Variants in SLC26A11 observed in about 807,000 individuals in gnomAD.
The protein encoded by SLC26A11 is sodium-independent sulfate anion transporter.
In SLC26A11, 58 loss-of-function variants were observed where a neutral mutation model predicts 62.2. The ratio of observed to expected loss-of-function variants is 0.93; its 90% CI spans 0.76 to 1.16. SLC26A11 has a LOEUF of 1.16. Among genes scored for constraint, SLC26A11 ranks in the 50% most tolerant of loss-of-function variants. The pLI is 0.00. For missense variants in SLC26A11, 790 were observed against 794.3 expected, an observed-to-expected ratio of 0.99 and a Z score of 0.06; for synonymous variants, 411 against 368.9, an observed-to-expected ratio of 1.11 and a Z score of -1.31.
chr17:80,243,379 A>G (rs2042913491), intron 10 of SLC26A11, among the ~76,000 whole-genome samples: 2 of 152,100 alleles, frequency 1.3e-5, no homozygotes. Flanking sequence ...AGAGCATCCC[A>G]TTCCCATTAC....
intron 7 of SLC26A11, chr17:80,236,708 G>A (rs1598816811): frequency 2.4e-6 from 1 of 416,374 alleles, no homozygotes; most frequent in Non-Finnish European, 4.2e-6. Context: ...CAGGTGGCAT[G>A]TGCACCTGTC....
chr17:80,234,570 C>A (rs965143857), intron 7 of SLC26A11, among the ~76,000 whole-genome samples: 1 of 152,052 alleles, frequency 6.6e-6, no homozygotes, highest in Non-Finnish European at 1.5e-5. Flanking sequence ...AAAATAAACA[C>A]CCATCTTTTC....
chr17:80,236,076 A>G (rs1366707582), intron 7 of SLC26A11, among the ~76,000 whole-genome samples: 1 of 152,200 alleles, frequency 6.6e-6, no homozygotes. Flanking sequence ...GCCTTGGGCT[A>G]ATCTTCCCCA....
chr17:80,236,349 T>G (rs2042689963), intron 7 of SLC26A11, among the ~76,000 whole-genome samples: 1 of 152,220 alleles, frequency 6.6e-6, no homozygotes, highest in Non-Finnish European at 1.5e-5. Flanking sequence ...GCAGGCCTCC[T>G]CAGACTTCCT....
At chr17:80,248,861 C>T (rs2043083920) in intron 15 of SLC26A11, among the ~76,000 whole-genome samples, 187 bp downstream of exon 15, 1 of 152,140 alleles carries the variant, frequency 6.6e-6, no homozygotes, top group Non-Finnish European at 1.5e-5. Context: ...AGGGTGGTGG[C>T]CCCCCACATA....
rs753573160 is a variant in SLC26A11 at position 80,251,347 on chromosome 17, C to A, written c.1675C>A (p.Leu559Met). The change falls in exon 17 of 18, where the codon CTG becomes ATG. Residue 559 changes from leucine to methionine, a missense_variant. Transcript: ENST00000361193. Reference protein sequence around the residue: ...VGLQVPVLRVLLSADLKGFQY... With the variant: ...VGLQVPVLRVMLSADLKGFQY... Reference sequence around the variant, plus strand: ...CTCTCAGGTCCCCGTTCTCCGTGTCCTGCTGTCCGCTGACCTGAAGGGGTT... The same window carrying A: ...CTCTCAGGTCCCCGTTCTCCGTGTCATGCTGTCCGCTGACCTGAAGGGGTT... 1.9e-6 allele frequency: 3 copies of A among 1,613,978 alleles called. No homozygotes were observed. In the African/African-American group the frequency reaches 4.0e-5, roughly 22 times the overall value.
chr17:80,252,568 G>T lies in SLC26A11; in HGVS notation c.1730-57G>T. The T allele has an allele frequency of 1.9e-6, 3 of 1,547,230 alleles. No individual in the cohort carries two copies. In the South Asian group the frequency reaches 3.4e-5, roughly 17 times the overall value. ...CCTCCTTAATCCCTTCCTGTGAACT[G>T]ACCCATCCTCACTTCTGAGCTTTTA... is the stretch of plus-strand genomic sequence containing the variant. On this transcript the variant is annotated intron_variant, in intron 17 of 17. Coordinates refer to ENST00000361193, the MANE Select transcript of SLC26A11 (RefSeq NM_001166347.2). This position sits in a 1 kb window ranked among gnomAD's most constrained non-coding sequence, Gnocchi z 5.2.
At position 80,222,655 on chromosome 17, in the gene SLC26A11, T is replaced by C. The variant is rs1448643453; in HGVS notation, c.235T>C (p.Tyr79His). 23 of 1,613,670 alleles carry C rather than the reference T, an allele frequency of 1.4e-5. No homozygotes were observed. Among genetic ancestry groups the C allele is most frequent in the Non-Finnish European group, 1.9e-5 (22 of 1,179,818 alleles). Reference sequence around the variant, plus strand: ...TGCTCACCACCCTCTCTCCCCACAGTATGGCCTCTACTCTGCCTTCATGGG... The same window carrying C: ...TGCTCACCACCCTCTCTCCCCACAGCATGGCCTCTACTCTGCCTTCATGGG... ...YAEVAGLPPQ[Y>H]GLYSAFMGCF... Residue 79 changes from tyrosine to histidine, a missense_variant and splice_region_variant, in exon 4 of 18, where the codon TAT (tyrosine) becomes CAT (histidine). Coordinates refer to ENST00000361193, the MANE Select transcript of SLC26A11 (RefSeq NM_001166347.2). This position sits in a 1 kb window ranked among gnomAD's most constrained non-coding sequence, Gnocchi z 4.7.
At chr17:80,245,320 A>G (rs2144965314) in intron 11 of SLC26A11, 64 bp downstream of exon 11, 2 of 1,554,958 alleles carry the variant, frequency 1.3e-6, no homozygotes, top group East Asian at 2.3e-5. Context: ...TTACGCTGAC[A>G]AGGAGTCTGC....
chr17:80,236,020 A>C (rs1015348271), intron 7 of SLC26A11, among the ~76,000 whole-genome samples: 25 of 152,228 alleles, frequency 1.6e-4, no homozygotes, highest in Admixed American at 1.3e-3. Flanking sequence ...CAAAGCAAAA[A>C]GTTTTTAGTA....
At chr17:80,231,459 C>T (rs372376422) in intron 7 of SLC26A11, among the ~76,000 whole-genome samples, 11 of 152,228 alleles carry the variant, frequency 7.2e-5, no homozygotes, top group East Asian at 1.9e-4. Context: ...CCACTGTGCC[C>T]GGCCTTTTTT....
intron 7 of SLC26A11, among the ~76,000 whole-genome samples, chr17:80,233,813 A>ACG (rs143999919): frequency 1.3e-5 from 2 of 151,754 alleles, no homozygotes; most frequent in Admixed American, 1.3e-4. Context: ...TCCTGGGCTC[A>ACG]AGGGATCCTC....
At chr17:80,244,698 T>C in intron 10 of SLC26A11, among the ~76,000 whole-genome samples, 1 of 151,490 alleles carries the variant, frequency 6.6e-6, no homozygotes, top group Non-Finnish European at 1.5e-5. Flanking sequence ...AAAAATTAAC[T>C]GGGTGTGGTG....
rs1228673239 is a variant in SLC26A11 at position 80,237,588 on chromosome 17, G to A, written c.979G>A (p.Ala327Thr). ...CCTGGAGAGCATTGCGGTGGCCAAA[G>A]CCTTCGGTAAGACGCCTGTCACCCA... Reference protein sequence around the residue: ...GLLESIAVAKAFASQNNYRID... With the variant: ...GLLESIAVAKTFASQNNYRID... The change falls in exon 9 of 18, where the codon GCC (alanine) becomes ACC (threonine). Residue 327 changes from alanine (A) to threonine (T), a missense_variant. Coordinates refer to ENST00000361193, the MANE Select transcript of SLC26A11 (RefSeq NM_001166347.2). 6.2e-7 allele frequency: 1 copy of A among 1,610,998 alleles called. No individual in the cohort carries two copies. The highest frequency in any genetic ancestry group is 8.5e-7 in the Non-Finnish European group (1 of 1,178,868).
In SLC26A11 at chr17:80,223,165, T is replaced by C. The variant is rs2042271577; in HGVS notation, c.428-87T>C. 1.6e-6 allele frequency: 2 copies of C among 1,269,730 alleles called. No homozygotes were observed. Among genetic ancestry groups the C allele is most frequent in the Non-Finnish European group, 2.3e-6 (2 of 878,640 alleles). 78.7% of individuals were successfully genotyped at this position (1,269,730 alleles called of 1,614,324 possible). A position where few individuals can be genotyped will look rare whatever the true frequency, so the allele number is the denominator to read the frequency against. On this transcript the variant is annotated intron_variant, in intron 4 of 17. Coordinates refer to ENST00000361193, the MANE Select transcript of SLC26A11 (RefSeq NM_001166347.2). This position sits in a 1 kb window ranked among gnomAD's most constrained non-coding sequence, Gnocchi z 4.6. ...GTATCTGCTCCCCAATCCCACCCAT[T>C]GCCACCTTCCCCAGCTCACATCTCC...
intron 1 of SLC26A11, among the ~76,000 whole-genome samples, 184 bp downstream of exon 1, chr17:80,220,680 C>T (rs1458353524): frequency 6.6e-6 from 1 of 152,068 alleles, no homozygotes; most frequent in African/African-American, 2.4e-5. Context: ...CGGCCTTGCT[C>T]GGGGCCAAGG....
rs541722817 is a variant in SLC26A11, at chr17:80,231,184, C to T, written c.736+3224C>T. Among the ~76,000 whole-genome samples, 16 of 124,572 alleles carry T rather than the reference C, an allele frequency of 1.3e-4. 1 individual carries two copies. The South Asian group carries it at 2.5e-3, about 20-fold the overall frequency. The allele number at this position is 124,572 out of a possible 152,430, so 81.7% of individuals were successfully genotyped here. A position where few individuals can be genotyped will look rare whatever the true frequency, so the allele number is the denominator to read the frequency against. On this transcript the variant is annotated intron_variant, in intron 7 of 17. Coordinates refer to ENST00000361193, the MANE Select transcript of SLC26A11 (RefSeq NM_001166347.2). ...CAAAAAAAATTTTTTTTTTTTGAGA[C>T]GGAGTTTCGCTCTTGTCCCCCAGGT...
intron 9 of SLC26A11, among the ~76,000 whole-genome samples, chr17:80,238,814 TTTTTTGTTTTTTG>T (rs983311615): frequency 4.2e-5 from 6 of 141,418 alleles, no homozygotes; most frequent in African/African-American, 1.7e-4. Flanking sequence ...CAAAGGAGTT[TTTTTTGTTTTTTG>T]TTTTTTTTTT....
chr17:80,225,969 T>A (rs1291716304), intron 6 of SLC26A11, 53 bp downstream of exon 6: 1 of 1,525,506 alleles, frequency 6.6e-7, no homozygotes, highest in African/African-American at 1.4e-5. Context: ...CTTCCACACC[T>A]CCTCTCCCGG....
Sources: allele counts gnomAD v4.1 joint callset (sites outside exome capture counted in the v4.1 genomes callset), GRCh38; gene constraint gnomAD v4.1.1; non-coding constraint Gnocchi (gnomAD v3.1); transcripts MANE v1.5; gene names NCBI Gene and HGNC (gene_info 2026-07-23, HGNC 2026-07-21).